The following TLN2 variants were observed in gnomAD, a reference collection of about 807,000 sequenced individuals.
TLN2 encodes talin-2.
Under a neutral mutation model 294.7 loss-of-function variants are expected in TLN2, and 118 were observed. The observed-to-expected ratio is 0.40, with a 90% CI of 0.34 to 0.47. TLN2 has a LOEUF of 0.47. Among genes scored for constraint, TLN2 ranks in the 20% least tolerant of loss-of-function variants. The pLI, the probability that TLN2 is intolerant of heterozygous loss-of-function variation, is 0.84. For synonymous variants in TLN2, 1,431 were observed against 1,304.5 expected (o/e 1.10, Z -2.09); for missense variants, 3,083 against 3,282.2 (o/e 0.94, Z 1.48).
chr15:62,706,493 T>A (rs1467865701), intron 19 of TLN2, among the ~76,000 whole-genome samples: 2 of 152,246 alleles, frequency 1.3e-5, no homozygotes, highest in Non-Finnish European at 2.9e-5. Context: ...GAATAACTCA[T>A]GTTCAGAGCA....
intron 1 of TLN2, among the ~76,000 whole-genome samples, chr15:62,497,918 A>G (rs899388392): frequency 6.6e-6 from 1 of 152,022 alleles, no homozygotes; most frequent in Admixed American, 6.6e-5. Flanking sequence ...TTTAAAGCCA[A>G]GGAAAGGCCC....
At chr15:62,806,920 G>T (rs1384752095) in intron 51 of TLN2, among the ~76,000 whole-genome samples, 1 of 152,170 alleles carries the variant, frequency 6.6e-6, no homozygotes, top group Non-Finnish European at 1.5e-5. Context: ...AACTCTTATG[G>T]CTTCTTGGTG....
intron 3 of TLN2, among the ~76,000 whole-genome samples, chr15:62,627,257 T>C (rs1048193634): frequency 6.6e-6 from 1 of 152,154 alleles, no homozygotes; most frequent in Admixed American, 6.5e-5. Flanking sequence ...AAGGTAGATA[T>C]TAAATTTTCT....
intron 1 of TLN2, among the ~76,000 whole-genome samples, chr15:62,577,170 G>A (rs758552576): frequency 7.2e-5 from 11 of 152,216 alleles, no homozygotes; most frequent in Non-Finnish European, 1.0e-4. Context: ...TTTGCCGGGC[G>A]CGGTGGCTCA....
intron 45 of TLN2, among the ~76,000 whole-genome samples, chr15:62,790,591 T>C (rs1293458115): frequency 2.0e-5 from 3 of 152,240 alleles, no homozygotes; most frequent in Non-Finnish European, 2.9e-5. Flanking sequence ...ACTTGACTTT[T>C]CCAGCAGCAC....
At chr15:62,813,645 A>C (rs145307141) in intron 52 of TLN2, among the ~76,000 whole-genome samples, 1 of 152,194 alleles carries the variant, frequency 6.6e-6, no homozygotes, top group Non-Finnish European at 1.5e-5. Flanking sequence ...CGGTAATGCT[A>C]TTGACAGGGC....
chr15:62,436,378 G>A (rs760174269), intron 1 of TLN2, among the ~76,000 whole-genome samples: 9 of 152,220 alleles, frequency 5.9e-5, no homozygotes, highest in Non-Finnish European at 8.8e-5. Flanking sequence ...AGGACCTGGT[G>A]TTCTACCCTG....
intron 46 of TLN2, among the ~76,000 whole-genome samples, chr15:62,793,567 C>T (rs2065232731): frequency 6.6e-6 from 1 of 152,186 alleles, no homozygotes; most frequent in Non-Finnish European, 1.5e-5. Flanking sequence ...ACTGTTTTCT[C>T]TAACTTTCCT....
intron 8 of TLN2, among the ~76,000 whole-genome samples, chr15:62,656,715 C>T (rs2053250689): frequency 6.6e-6 from 1 of 152,242 alleles, no homozygotes; most frequent in South Asian, 2.1e-4. Context: ...TCTATCTGCC[C>T]ATAGAAATAA....
At chr15:62,462,881 T>A (rs1388970760) in intron 1 of TLN2, among the ~76,000 whole-genome samples, 1 of 152,174 alleles carries the variant, frequency 6.6e-6, no homozygotes, top group Non-Finnish European at 1.5e-5. Context: ...AATTGTCTGG[T>A]TCTGGGGAAA....
At chr15:62,461,364 G>T (rs532226543) in intron 1 of TLN2, among the ~76,000 whole-genome samples, 2 of 152,262 alleles carry the variant, frequency 1.3e-5, no homozygotes, top group South Asian at 2.1e-4. Context: ...TTGTGGGTCT[G>T]TCATTCTCAT....
At position 62,712,265 on chromosome 15, in the gene TLN2, A is replaced by C. The variant is rs2059473504; in HGVS notation, c.2634+188A>C. On this transcript the variant is annotated intron_variant, in intron 22 of 58. Coordinates refer to ENST00000636159, the MANE Select transcript of TLN2 (RefSeq NM_015059.3). The stretch of plus-strand genomic sequence containing the variant: ...ATGGAACATCTGAATGAAATGCTTC[A>C]GGGAAGTGGTACTGACTCAGCCATA... Among the ~76,000 whole-genome samples the C allele has an allele frequency of 2.0e-5, 3 of 152,212 alleles. 1 individual carries two copies. The South Asian group carries it at 6.2e-4, about 32-fold the overall frequency.
intron 44 of TLN2, among the ~76,000 whole-genome samples, chr15:62,782,522 A>T (rs2064267081): frequency 1.3e-5 from 2 of 152,214 alleles, no homozygotes; most frequent in Admixed American, 6.5e-5. Flanking sequence ...CTGGGTGTCC[A>T]TGAGCTTAAG....
In TLN2 at chr15:62,795,095, G is replaced by T. The variant is rs145594085; in HGVS notation, c.5884-1032G>T. Among the ~76,000 whole-genome samples the T allele has an allele frequency of 3.6e-3, 545 of 152,316 alleles. 1 individual carries two copies. Among genetic ancestry groups the T allele is most frequent in the Non-Finnish European group, 5.2e-3 (353 of 68,016 alleles). On this transcript the variant is annotated intron_variant, in intron 46 of 58. Transcript: ENST00000636159. Reference sequence around the variant, plus strand: ...GGGCTGTCTCTGGAAGAGGAGAGCAGGGGGAGGTGTCCGGGGCTCAGCTGT... The same window carrying T: ...GGGCTGTCTCTGGAAGAGGAGAGCATGGGGAGGTGTCCGGGGCTCAGCTGT...
chr15:62,611,144 A>G (rs766015247), intron 2 of TLN2, among the ~76,000 whole-genome samples: 4 of 152,194 alleles, frequency 2.6e-5, no homozygotes, highest in African/African-American at 7.2e-5. Context: ...CTAACTTAAG[A>G]TAGAGCGATA....
intron 1 of TLN2, among the ~76,000 whole-genome samples, chr15:62,537,960 G>T (rs58777333): frequency 6.6e-6 from 1 of 152,280 alleles, no homozygotes; most frequent in Admixed American, 6.5e-5. Flanking sequence ...GGTGGCTCAC[G>T]TCTGTAATCG....
At chr15:62,544,171 T>A (rs2041859206) in intron 1 of TLN2, among the ~76,000 whole-genome samples, 1 of 152,210 alleles carries the variant, frequency 6.6e-6, no homozygotes, top group Non-Finnish European at 1.5e-5. Flanking sequence ...AAATTTCAGA[T>A]TCCTTAAAAA....
chr15:62,826,558 G>A (rs2068218131), intron 54 of TLN2, among the ~76,000 whole-genome samples: 1 of 152,180 alleles, frequency 6.6e-6, no homozygotes, highest in South Asian at 2.1e-4. Context: ...ACTAATAAAG[G>A]TGGCAGTCCT....
At chr15:62,701,920 GT>G in intron 17 of TLN2, 71 bp from the exon 18 acceptor site, 2 of 1,547,936 alleles carry the variant, frequency 1.3e-6, no homozygotes, top group Non-Finnish European at 1.8e-6. Flanking sequence ...ACTCCTGCCA[GT>G]GTGGGGTTTT....
Sources: allele counts gnomAD v4.1 joint callset (sites outside exome capture counted in the v4.1 genomes callset), GRCh38; gene constraint gnomAD v4.1.1; transcripts MANE v1.5; gene names NCBI Gene and HGNC (gene_info 2026-07-23, HGNC 2026-07-21).